The following FBXO31 variants were observed in gnomAD, a reference collection of about 807,000 sequenced individuals.
FBXO31 encodes F-box protein 31.
FBXO31 carries 24 observed loss-of-function variants against 54.4 expected under a neutral mutation model. The observed-to-expected ratio is 0.44, with a 90% CI of 0.32 to 0.62. The LOEUF is 0.62. Among genes scored for constraint, FBXO31 ranks in the 20% least tolerant of loss-of-function variants. FBXO31 has a pLI of 0.05. For synonymous variants in FBXO31, 388 were observed against 335.6 expected (o/e 1.16, Z -1.71); for missense variants, 665 against 787.1 (o/e 0.84, Z 1.86).
intron 1 of FBXO31, among the ~76,000 whole-genome samples, chr16:87,364,626 C>T (rs1351389736): frequency 2.0e-5 from 3 of 152,206 alleles, no homozygotes; most frequent in African/African-American, 7.2e-5. Context: ...CCCCAGGCCA[C>T]AGCCCTCCAG....
In FBXO31 at chr16:87,347,231, G is replaced by A. The variant is rs149340076; in HGVS notation, c.432C>T (p.His144=). 4.8e-5 allele frequency: 77 copies of A among 1,614,126 alleles called. No individual in the cohort carries two copies. The highest frequency in any genetic ancestry group is 2.8e-4 in the African/African-American group (21 of 75,034). The change falls in exon 3 of 9, where the codon CAC becomes CAT. Residue 144 remains histidine, a synonymous_variant. Coordinates refer to ENST00000311635, the MANE Select transcript of FBXO31 (RefSeq NM_024735.5). ...TATCTGGCTGCCACAATCCCAAAAT[G>A]TGTCTATATCGGTGAAGCACTACAG... ...VYAKLLHRYR[H]ILGLWQPDIG...
In FBXO31 at chr16:87,329,114, C is replaced by CTG. The variant is rs1904750586; in HGVS notation, c.*2172_*2173dup. The CTG allele has an allele frequency of 6.6e-6, 1 of 152,336 alleles. No homozygotes were observed. The highest frequency in any genetic ancestry group is 2.4e-5 in the African/African-American group (1 of 41,468). The allele number at this position is 152,336 out of a possible 1,614,324, so 9.4% of individuals were successfully genotyped here. On this transcript the variant is annotated 3_prime_UTR_variant, in exon 9 of 9. Transcript: ENST00000311635. ...CACATCGGAGCGGAAAAAACAAGAC[C>CTG]TGTAGTCACGACTGAAGGGACTGGC...
intron 2 of FBXO31, among the ~76,000 whole-genome samples, chr16:87,352,884 G>A (rs544621783): frequency 2.0e-5 from 3 of 152,302 alleles, no homozygotes; most frequent in African/African-American, 4.8e-5. Flanking sequence ...CCCAGGCGCC[G>A]GCACATCTGG....
chr16:87,341,765 G>A lies in FBXO31; in HGVS notation c.732+1112C>T, dbSNP rs543791091. Among the ~76,000 whole-genome samples, 6 of 151,396 alleles carry A rather than the reference G, an allele frequency of 4.0e-5. 1 individual carries two copies. Among genetic ancestry groups the A allele is most frequent in the Admixed American group, 2.6e-4 (4 of 15,204 alleles). ...ATAACAGCATAATTAAAACATTTCC[G>A]TTACTGATCATCTTCACATGCCATC... On this transcript the variant is annotated intron_variant, in intron 5 of 8. Coordinates refer to ENST00000311635, the MANE Select transcript of FBXO31 (RefSeq NM_024735.5).
chr16:87,362,418 G>A (rs1487429191), intron 1 of FBXO31: 1 of 151,680 alleles, frequency 6.6e-6, no homozygotes, highest in Non-Finnish European at 1.5e-5. Context: ...GGAGTCTCAT[G>A]TCCCACTATG....
chr16:87,358,088 C>T lies in FBXO31; in HGVS notation c.412+2207G>A, dbSNP rs538287610. ...AAAATTTTAAAGCTTCTACTCTGTT[C>T]GTTCCTCTCTGTGTCTGCAGTAGCT... On this transcript the variant is annotated intron_variant, in intron 2 of 8. Transcript: ENST00000311635. The surrounding 1 kb of genome is among the most constrained non-coding windows in gnomAD (Gnocchi z 4.0). Among the ~76,000 whole-genome samples the T allele has an allele frequency of 2.6e-5, 4 of 152,196 alleles. No individual in the cohort carries two copies. The highest frequency in any genetic ancestry group is 5.9e-5 in the Non-Finnish European group (4 of 68,032).
At position 87,347,292 on chromosome 16, in the gene FBXO31, G is replaced by C. The variant is rs144568360; in HGVS notation, c.413-42C>G. ...AGAGCAAGTCTCTGTGTTAGACCCA[G>C]CGTGCCGCAGGGAGCCCAGGAACCC... On this transcript the variant is annotated intron_variant, in intron 2 of 8. Coordinates refer to ENST00000311635, the MANE Select transcript of FBXO31 (RefSeq NM_024735.5). The C allele has an allele frequency of 6.3e-5, 100 of 1,586,608 alleles. No individual in the cohort carries two copies. The Middle Eastern group carries it at 8.3e-4, about 13-fold the overall frequency.
At chr16:87,350,341 C>A (rs966216629) in intron 2 of FBXO31, among the ~76,000 whole-genome samples, 5 of 152,166 alleles carry the variant, frequency 3.3e-5, no homozygotes, top group African/African-American at 9.7e-5. Context: ...CAGCCCAGAC[C>A]ATGGTTTAGG....
At chr16:87,344,449 T>A (rs985338952) in intron 3 of FBXO31, among the ~76,000 whole-genome samples, 3 of 152,128 alleles carry the variant, frequency 2.0e-5, no homozygotes, top group Admixed American at 6.5e-5. Flanking sequence ...AGCAGCCACA[T>A]GCTTATAAGG....
In FBXO31 at chr16:87,336,045, C is replaced by A; in HGVS notation, c.842+110G>T. 1 of 841,900 alleles carries A rather than the reference C, an allele frequency of 1.2e-6. No homozygotes were observed. Among genetic ancestry groups the A allele is most frequent in the Non-Finnish European group, 1.9e-6 (1 of 532,214 alleles). 52.2% of individuals were successfully genotyped at this position (841,900 alleles called of 1,614,324 possible). On this transcript the variant is annotated intron_variant, in intron 6 of 8. Transcript: ENST00000311635. This position sits in a 1 kb window ranked among gnomAD's most constrained non-coding sequence, Gnocchi z 6.5. ...CCCAGCAGGAGAGAGGGCTGAACCC[C>A]AGCACCCACTGAGACAAAGGACTAT...
At chr16:87,343,870 G>C (rs1343340945) in intron 3 of FBXO31, 105 bp from the exon 4 acceptor site, 2 of 1,271,024 alleles carry the variant, frequency 1.6e-6, no homozygotes, top group Non-Finnish European at 2.2e-6. Context: ...GCTCCTGCCA[G>C]ACCAGCACAT....
intron 1 of FBXO31, among the ~76,000 whole-genome samples, chr16:87,361,412 G>A (rs1306466401): frequency 2.6e-5 from 4 of 152,358 alleles, no homozygotes; most frequent in South Asian, 4.1e-4. Context: ...ACGGGACGAG[G>A]TGGCTGGGTC....
rs183607249 is a variant in FBXO31, at chr16:87,375,422, T to C, written c.340+7983A>G. Reference sequence around the variant, plus strand: ...CAGAGAAATGCTTGAACCCGGGAGGTAGAGGATGAAGTGAGCCGAGATCAC... The same window carrying C: ...CAGAGAAATGCTTGAACCCGGGAGGCAGAGGATGAAGTGAGCCGAGATCAC... On this transcript the variant is annotated intron_variant, in intron 1 of 8. Coordinates refer to ENST00000311635, the MANE Select transcript of FBXO31 (RefSeq NM_024735.5). 1.5e-4 allele frequency among the ~76,000 whole-genome samples: 22 copies of C among 149,692 alleles called. No individual in the cohort carries two copies. The East Asian group carries it at 3.3e-3, about 23-fold the overall frequency.
chr16:87,367,388 C>A (rs1308221024), intron 1 of FBXO31: 3 of 152,170 alleles, frequency 2.0e-5, no homozygotes, highest in African/African-American at 4.8e-5. Context: ...CTCACTGAGC[C>A]GAGCTCCGCA....
At chr16:87,368,526 C>T (rs968805686) in intron 1 of FBXO31, among the ~76,000 whole-genome samples, 15 of 152,140 alleles carry the variant, frequency 9.9e-5, no homozygotes, top group South Asian at 2.1e-4. Flanking sequence ...ACGGCCAGCA[C>T]GACCTGTGCT....
chr16:87,382,360 T>A (rs1437068370), intron 1 of FBXO31, among the ~76,000 whole-genome samples: 2 of 152,260 alleles, frequency 1.3e-5, no homozygotes, highest in Non-Finnish European at 2.9e-5. Flanking sequence ...TGATGGTATT[T>A]ACTTTGTTCC....
intron 2 of FBXO31, among the ~76,000 whole-genome samples, chr16:87,347,817 A>G (rs973498940): frequency 5.9e-5 from 9 of 152,178 alleles, no homozygotes; most frequent in Non-Finnish European, 1.2e-4. Context: ...TCTTCTAGGA[A>G]TAAGACAGAA....
rs1346952086 is a variant in FBXO31, at chr16:87,346,946, G to C, written c.489+228C>G. Among the ~76,000 whole-genome samples the C allele has an allele frequency of 1.3e-5, 2 of 152,228 alleles. No homozygotes were observed. The highest frequency in any genetic ancestry group is 2.9e-5 in the Non-Finnish European group (2 of 68,044). On this transcript the variant is annotated intron_variant, in intron 3 of 8. Coordinates refer to ENST00000311635, the MANE Select transcript of FBXO31 (RefSeq NM_024735.5). The surrounding 1 kb of genome is among the most constrained non-coding windows in gnomAD (Gnocchi z 4.2). ...TCACAAGCCACCCCCTCAGACCAGA[G>C]AGTCCAAGGACGGGCCACAAGGCCG... is the stretch of plus-strand genomic sequence containing the variant.
At chr16:87,342,759 A>C (rs1372941443) in intron 5 of FBXO31, 118 bp downstream of exon 5, 11 of 802,510 alleles carry the variant, frequency 1.4e-5, no homozygotes, top group Non-Finnish European at 1.9e-5. Flanking sequence ...GAACCATGTG[A>C]AACAGCCACC....
Sources: gnomAD v4.1 joint callset for allele counts (sites outside exome capture counted in the v4.1 genomes callset) on GRCh38, gnomAD v4.1.1 for gene constraint, Gnocchi (gnomAD v3.1) non-coding constraint, MANE v1.5 for transcripts, NCBI Gene and HGNC (gene_info 2026-07-23, HGNC 2026-07-21) for gene names.